TRPV1: variants seen among roughly 807,000 people sequenced by gnomAD.
TRPV1 encodes transient receptor potential cation channel subfamily V member 1.
A neutral mutation model predicts 82.3 loss-of-function variants in TRPV1; 82 were observed. The ratio of observed to expected loss-of-function variants is 1.00; its 90% CI spans 0.83 to 1.20. The LOEUF is 1.20. Ranked by LOEUF, TRPV1 falls within the 50% of genes most tolerant of loss-of-function variation. The pLI is 0.00. For synonymous variants in TRPV1, 515 were observed against 467.7 expected (o/e 1.10, Z -1.30); for missense variants, 1,067 against 1,096.8 (o/e 0.97, Z 0.38).
chr17:3,588,941 C>A (rs1483103159), intron 7 of TRPV1: 1 of 1,535,748 alleles, frequency 6.5e-7, no homozygotes, highest in Admixed American at 2.0e-5. Flanking sequence ...CCATGAAGGA[C>A]AGCGGTGGTC....
chr17:3,607,893 T>C (rs190429407), intron 2 of TRPV1, among the ~76,000 whole-genome samples: 26 of 152,224 alleles, frequency 1.7e-4, no homozygotes, highest in Admixed American at 1.4e-3. Context: ...ACTGTGACCA[T>C]ACTTTTGCAG....
intron 14 of TRPV1, among the ~76,000 whole-genome samples, chr17:3,572,914 C>T (rs1170802147): frequency 1.4e-4 from 19 of 136,516 alleles, no homozygotes; most frequent in African/African-American, 5.2e-4. Flanking sequence ...AGTCGGGAGG[C>T]AGAGGTTGCA....
At chr17:3,608,653 A>T (rs2075316085) in intron 1 of TRPV1, 88 bp from the exon 2 acceptor site, 1 of 152,198 alleles carries the variant, frequency 6.6e-6, no homozygotes, top group Non-Finnish European at 1.5e-5. Flanking sequence ...GACCGCAGAT[A>T]ACTGAACCCA....
chr17:3,573,870 C>A lies in TRPV1; in HGVS notation c.1866G>T (p.Arg622Ser). The part of the protein sequence containing the change: ...TSHRWRGPAC[R>S]PPDSSYNSLY... ...GGCTGTTGTAGGAGCTATCGGGGGG[C>A]CTGCAGGCAGGCCCCCGCCACCTGT... Residue 622 changes from arginine (R) to serine (S), a missense_variant, in exon 14 of 17, where the codon AGG (arginine) becomes AGT (serine). By Grantham distance (110) the Arg-to-Ser change is moderately radical (BLOSUM62 -1). Transcript: ENST00000572705. 1 of 1,610,662 alleles carries A rather than the reference C, an allele frequency of 6.2e-7. No individual in the cohort carries two copies. The highest frequency in any genetic ancestry group is 1.7e-5 in the Admixed American group (1 of 59,380).
chr17:3,570,815 C>T (rs1001622786), intron 16 of TRPV1, among the ~76,000 whole-genome samples: 1 of 151,980 alleles, frequency 6.6e-6, no homozygotes, highest in African/African-American at 2.4e-5. Context: ...CCAGGTTCAA[C>T]CGATTCTCCT....
chr17:3,588,287 G>T lies in TRPV1; in HGVS notation c.1125C>A (p.Tyr375Ter). 6.3e-7 allele frequency: 1 copy of T among 1,577,590 alleles called. No homozygotes were observed. The highest frequency in any genetic ancestry group is 2.3e-5 in the East Asian group (1 of 42,556). Reference protein sequence around the residue: ...HLSRKFTEWAYGPVHSSLYDL... With the variant: ...HLSRKFTEWA ...CGTACAGCGAGGAGTGCACGGGCCC[G>T]TAGGCCCACTCGGTGAACTTCCTGG... Residue 375 changes from tyrosine to a stop codon, truncating the protein, a stop_gained, in exon 8 of 17, where the codon TAC (tyrosine) becomes TAA (stop). Coordinates refer to ENST00000572705, the MANE Select transcript of TRPV1 (RefSeq NM_080704.4). LOFTEE classifies it high-confidence loss of function.
At chr17:3,594,127 C>CAAAA (rs57620622) in intron 2 of TRPV1, among the ~76,000 whole-genome samples, 343 of 46,284 alleles carry the variant, frequency 7.4e-3, no homozygotes, top group East Asian at 0.021. Flanking sequence ...AACTCTGTCT[C>CAAAA]AAAAAAAAAA....
chr17:3,605,267 C>T (rs1231258112), intron 2 of TRPV1, among the ~76,000 whole-genome samples: 8 of 152,080 alleles, frequency 5.3e-5, no homozygotes, highest in Non-Finnish European at 1.2e-4. Flanking sequence ...CCAGCACTTT[C>T]CGAGGCCGAG....
At chr17:3,587,553 T>G (rs1377686172) in intron 8 of TRPV1, among the ~76,000 whole-genome samples, 1 of 152,216 alleles carries the variant, frequency 6.6e-6, no homozygotes, top group Non-Finnish European at 1.5e-5. Flanking sequence ...GCGCAGTGGT[T>G]CACACCTGTG....
chr17:3,592,242 T>G lies in TRPV1; in HGVS notation c.109A>C (p.Lys37Gln), dbSNP rs1468957041. ...GDPNSRPPPA[K>Q]PQLSTAKSRT... ...CTCTTGGCCGTGGAGAGCTGGGGCT[T>G]GGCTGGAGGTGGCCTGGAGTTAGGG... Residue 37 changes from lysine (K) to glutamine (Q), a missense_variant, in exon 3 of 17, where the codon AAG becomes CAG. Coordinates refer to ENST00000572705, the MANE Select transcript of TRPV1 (RefSeq NM_080704.4). 1 of 1,610,066 alleles carries G rather than the reference T, an allele frequency of 6.2e-7. No individual in the cohort carries two copies. The highest frequency in any genetic ancestry group is 8.5e-7 in the Non-Finnish European group (1 of 1,178,282).
intron 1 of TRPV1, 45 bp downstream of exon 1, chr17:3,609,264 A>G (rs1487990491): frequency 6.6e-6 from 1 of 152,146 alleles, no homozygotes; most frequent in East Asian, 1.9e-4. Context: ...AGATAATCAC[A>G]TAATTTGTAA....
chr17:3,592,387 C>T lies in TRPV1; in HGVS notation c.-33-4G>A, dbSNP rs1012008437. The stretch of plus-strand genomic sequence containing the variant: ...CCTCTGTGGCCCAGTGTGCAACCTG[C>T]AGCAGCCACCACGCCGGGGTTGACT... On this transcript the variant is annotated splice_polypyrimidine_tract_variant and splice_region_variant and intron_variant, in intron 2 of 16. Coordinates refer to ENST00000572705, the MANE Select transcript of TRPV1 (RefSeq NM_080704.4). The T allele has an allele frequency of 6.4e-7, 1 of 1,553,062 alleles. No individual in the cohort carries two copies. Among genetic ancestry groups the T allele is most frequent in the Middle Eastern group, 1.8e-4 (1 of 5,478 alleles).
chr17:3,598,563 C>CTTTTTT (rs57290148), intron 2 of TRPV1, among the ~76,000 whole-genome samples: 25 of 116,792 alleles, frequency 2.1e-4, no homozygotes, highest in African/African-American at 4.7e-4. Context: ...CGCTTAGTCA[C>CTTTTTT]TTTTTTTTTT....
At chr17:3,577,294 A>G (rs1440964899) in intron 12 of TRPV1, 102 bp from the exon 13 acceptor site, 2 of 1,303,840 alleles carry the variant, frequency 1.5e-6, no homozygotes, top group South Asian at 1.3e-5. Flanking sequence ...GAGAACGTGC[A>G]GGGCGGTTTG....
Position 3,590,949 on chromosome 17 carries a change from C to T in TRPV1, c.604+15G>A, listed in dbSNP as rs201265977. On this transcript the variant is annotated intron_variant, in intron 5 of 16. Coordinates refer to ENST00000572705, the MANE Select transcript of TRPV1 (RefSeq NM_080704.4). ...CTGCGGGCTGAGCCATGCCCGGCCC[C>T]GCCGCCCTCCTCACCCTTGTAGTAG... is the stretch of plus-strand genomic sequence containing the variant. 6.1e-5 allele frequency: 96 copies of T among 1,582,510 alleles called. No individual in the cohort carries two copies. The highest frequency in any genetic ancestry group is 8.1e-5 in the African/African-American group (6 of 74,520).
At chr17:3,589,107 A>G (rs1333161775) in intron 7 of TRPV1, 2 of 735,814 alleles carry the variant, frequency 2.7e-6, no homozygotes, top group African/African-American at 1.7e-5. Flanking sequence ...AGGAGCCACC[A>G]GCTGGAGCTG....
At chr17:3,603,949 C>G (rs909439170) in intron 2 of TRPV1, among the ~76,000 whole-genome samples, 4 of 152,166 alleles carry the variant, frequency 2.6e-5, no homozygotes, top group African/African-American at 9.7e-5. Context: ...TCAAGAAGCC[C>G]ACGATGGACA....
At chr17:3,606,725 A>AGT (rs1374935734) in intron 2 of TRPV1, among the ~76,000 whole-genome samples, 1 of 152,126 alleles carries the variant, frequency 6.6e-6, no homozygotes, top group Admixed American at 6.5e-5. Flanking sequence ...AGCCCTGTTT[A>AGT]TTGACAAACT....
Position 3,585,803 on chromosome 17 carries a change from T to C in TRPV1, c.1348A>G (p.Thr450Ala). 1 of 1,613,406 alleles carries C rather than the reference T, an allele frequency of 6.2e-7. No individual in the cohort carries two copies. Among genetic ancestry groups the C allele is most frequent in the Non-Finnish European group, 8.5e-7 (1 of 1,179,700 alleles). ...ACGGGCCTGTAGTAGGCAGCCATGG[T>C]GAAGATGATCATGTACAGGCAGTAG... is the stretch of plus-strand genomic sequence containing the variant. ...LVYCLYMIIF[T>A]MAAYYRPVDG... Residue 450 changes from threonine (T) to alanine (A), a missense_variant, in exon 9 of 17, where the codon ACC becomes GCC. By Grantham distance (58) the Thr-to-Ala change is moderately conservative. Coordinates refer to ENST00000572705, the MANE Select transcript of TRPV1 (RefSeq NM_080704.4).
Sources: gnomAD v4.1 joint callset for allele counts (sites outside exome capture counted in the v4.1 genomes callset) on GRCh38, gnomAD v4.1.1 for gene constraint, MANE v1.5 for transcripts, NCBI Gene and HGNC (gene_info 2026-07-23, HGNC 2026-07-21) for gene names.